Variants in COTL1 observed in about 807,000 individuals in gnomAD.
The protein encoded by COTL1 is coactosin-like protein.
In COTL1, 15 loss-of-function variants were observed where a neutral mutation model predicts 16.5. The observed-to-expected ratio is 0.91, with a 90% CI of 0.61 to 1.40. The LOEUF (loss-of-function observed/expected upper bound fraction) is 1.40, where lower values mean the gene tolerates loss of function less well. Ranked by LOEUF, COTL1 falls within the 40% of genes most tolerant of loss-of-function variation. The pLI, the probability that COTL1 is intolerant of heterozygous loss-of-function variation, is 0.00. For missense variants in COTL1, 220 were observed against 201.5 expected (o/e 1.09, Z -0.56); for synonymous variants, 112 against 85.3 (o/e 1.31, Z -1.73).
intron 3 of COTL1, among the ~76,000 whole-genome samples, chr16:84,570,087 C>A (rs1350486021): frequency 2.6e-5 from 4 of 152,096 alleles, no homozygotes; most frequent in Non-Finnish European, 5.9e-5. Context: ...ACCAGCCTGG[C>A]CAACACGGTG....
intron 2 of COTL1, among the ~76,000 whole-genome samples, chr16:84,610,244 A>T (rs1356149935): frequency 6.6e-6 from 1 of 152,118 alleles, no homozygotes; most frequent in African/African-American, 2.4e-5. Flanking sequence ...TATGGCCAGG[A>T]CTCTTTTAGA....
In COTL1 at chr16:84,617,980, T is replaced by C. The variant is rs1005860558; in HGVS notation, c.-66A>G. 5 of 1,228,346 alleles carry C rather than the reference T, an allele frequency of 4.1e-6. No individual in the cohort carries two copies. Among genetic ancestry groups the C allele is most frequent in the Non-Finnish European group, 5.3e-6 (5 of 940,564 alleles). 76.1% of individuals were successfully genotyped at this position (1,228,346 alleles called of 1,614,324 possible). ...GCGCGCCCCTGGCCGGCGGCGGGGATGGGAGCGCGGCGGGTACGCGCCGAG... is the reference window on the plus strand; with the variant it reads ...GCGCGCCCCTGGCCGGCGGCGGGGACGGGAGCGCGGCGGGTACGCGCCGAG... On this transcript the variant is annotated 5_prime_UTR_variant, in exon 1 of 4. Transcript: ENST00000262428.
chr16:84,617,322 C>G (rs150356410), intron 2 of COTL1, among the ~76,000 whole-genome samples, 179 bp downstream of exon 2: 2,252 of 152,232 alleles, frequency 0.015, 40 homozygotes, highest in East Asian at 0.051. Context: ...CTTCGGATGT[C>G]CAGAGGGGAG....
At chr16:84,603,107 C>G (rs1432548690) in intron 2 of COTL1, among the ~76,000 whole-genome samples, 1 of 152,178 alleles carries the variant, frequency 6.6e-6, no homozygotes, top group Admixed American at 6.5e-5. Context: ...CTCTCTGCCC[C>G]CCAGTTCCCC....
At chr16:84,587,638 G>A (rs1265290761) in intron 3 of COTL1, among the ~76,000 whole-genome samples, 1 of 152,076 alleles carries the variant, frequency 6.6e-6, no homozygotes, top group African/African-American at 2.4e-5. Flanking sequence ...AGCTGCAGAT[G>A]AGAGTGTGAC....
rs937624661 is a variant in COTL1, at chr16:84,590,181, C to A, written c.242G>T (p.Trp81Leu). The stretch of plus-strand genomic sequence containing the variant: ...CAGCCCGCTGACGTTCTCACCGATC[C>A]ACGTGATGAGGGCAAACTTGGACCT... ...SKRSKFALITWIGENVSGLQR... is the reference protein window; with the variant it reads ...SKRSKFALITLIGENVSGLQR... Residue 81 changes from tryptophan to leucine, a missense_variant, in exon 3 of 4, where the codon TGG (tryptophan) becomes TTG (leucine). By Grantham distance (61) the Trp-to-Leu change is moderately conservative. Coordinates refer to ENST00000262428, the MANE Select transcript of COTL1 (RefSeq NM_021149.5). The surrounding 1 kb of genome is among the most constrained non-coding windows in gnomAD (Gnocchi z 5.5). 6.2e-7 allele frequency: 1 copy of A among 1,614,196 alleles called. No homozygotes were observed. The highest frequency in any genetic ancestry group is 1.1e-5 in the South Asian group (1 of 91,082).
At chr16:84,576,530 C>G (rs1904457329) in intron 3 of COTL1, 1 of 152,214 alleles carries the variant, frequency 6.6e-6, no homozygotes, top group Admixed American at 6.5e-5. Flanking sequence ...TTACTGGTCT[C>G]TCTGACAGAC....
At chr16:84,613,075 A>G (rs2150697930) in intron 2 of COTL1, among the ~76,000 whole-genome samples, 1 of 149,662 alleles carries the variant, frequency 6.7e-6, no homozygotes, top group South Asian at 2.1e-4. Flanking sequence ...ATCTCGGCTC[A>G]CTGCAACCTC....
At chr16:84,600,360 T>C (rs995056517) in intron 2 of COTL1, among the ~76,000 whole-genome samples, 1 of 146,986 alleles carries the variant, frequency 6.8e-6, no homozygotes, top group Admixed American at 6.8e-5. Flanking sequence ...TTGTCCAGCC[T>C]GCAGTGCCGT....
At chr16:84,596,447 A>G (rs2914840) in intron 2 of COTL1, 34,052 of 152,162 alleles carry the variant, frequency 0.22, 4,220 homozygotes, top group Non-Finnish European at 0.3. Flanking sequence ...AAGAAATGAG[A>G]TCTGAAGGGT....
In COTL1 at chr16:84,617,833, C is replaced by G. The variant is rs1905538788; in HGVS notation, c.77+5G>C. 3.2e-6 allele frequency: 5 copies of G among 1,571,198 alleles called. No individual in the cohort carries two copies. The highest frequency in any genetic ancestry group is 4.3e-6 in the Non-Finnish European group (5 of 1,159,028). On this transcript the variant is annotated splice_donor_5th_base_variant and intron_variant, in intron 1 of 3. Coordinates refer to ENST00000262428, the MANE Select transcript of COTL1 (RefSeq NM_021149.5). The stretch of plus-strand genomic sequence containing the variant: ...GGGGCGTGGAGACGAATGAAAAGTT[C>G]CTACCAGATGACGGCCGAGCCGTCG...
chr16:84,590,026 C>G lies in COTL1; in HGVS notation c.318+79G>C. 1 of 1,468,904 alleles carries G rather than the reference C, an allele frequency of 6.8e-7. No individual in the cohort carries two copies. The highest frequency in any genetic ancestry group is 9.3e-7 in the Non-Finnish European group (1 of 1,075,446). 91.0% of individuals were successfully genotyped at this position (1,468,904 alleles called of 1,614,324 possible). On this transcript the variant is annotated intron_variant, in intron 3 of 3. Transcript: ENST00000262428. This position sits in a 1 kb window ranked among gnomAD's most constrained non-coding sequence, Gnocchi z 5.5. Reference sequence around the variant, plus strand: ...ACAGCTAAGCTACAGACCCAGGAGTCGAACCCAGCCCTCTCCCTCCTTGCA... The same window carrying G: ...ACAGCTAAGCTACAGACCCAGGAGTGGAACCCAGCCCTCTCCCTCCTTGCA...
At chr16:84,599,207 G>A (rs896545973) in intron 2 of COTL1, among the ~76,000 whole-genome samples, 24 of 151,994 alleles carry the variant, frequency 1.6e-4, no homozygotes, top group African/African-American at 5.8e-4. Flanking sequence ...ATTGACTGGG[G>A]GCCTCTGCCT....
At chr16:84,566,997 AAGGCAC>A (rs771095745) in intron 3 of COTL1, 42 bp from the exon 4 acceptor site, 1 of 1,425,694 alleles carries the variant, frequency 7.0e-7, no homozygotes, top group South Asian at 1.1e-5. Flanking sequence ...ATTAAGAAGG[AAGGCAC>A]AGGATGTGAG....
chr16:84,573,382 A>G (rs1904375930), intron 3 of COTL1, among the ~76,000 whole-genome samples: 1 of 152,216 alleles, frequency 6.6e-6, no homozygotes, highest in African/African-American at 2.4e-5. Context: ...AGGCAAACAG[A>G]ATCATGAATC....
chr16:84,614,432 G>A (rs1363604175), intron 2 of COTL1, among the ~76,000 whole-genome samples: 1 of 152,018 alleles, frequency 6.6e-6, no homozygotes, highest in African/African-American at 2.4e-5. Context: ...GCCAGGCCAG[G>A]AGGCTGGGAA....
At chr16:84,587,055 C>T (rs1469740348) in intron 3 of COTL1, among the ~76,000 whole-genome samples, 1 of 152,150 alleles carries the variant, frequency 6.6e-6, no homozygotes, top group Non-Finnish European at 1.5e-5. Context: ...AGCAGGAGAC[C>T]TTTGGCCACA....
At chr16:84,571,479 C>G (rs74036307) in intron 3 of COTL1, among the ~76,000 whole-genome samples, 18,846 of 152,138 alleles carry the variant, frequency 0.12, 1,408 homozygotes, top group East Asian at 0.3. Flanking sequence ...CAGCCCACTG[C>G]TCTCCACCCT....
At chr16:84,572,547 A>G (rs1307499130) in intron 3 of COTL1, among the ~76,000 whole-genome samples, 1 of 151,780 alleles carries the variant, frequency 6.6e-6, no homozygotes, top group Admixed American at 6.6e-5. Flanking sequence ...TGCAGGCTCA[A>G]CCTCCTAGGT....
Sources: gnomAD v4.1 joint callset for allele counts (sites outside exome capture counted in the v4.1 genomes callset) on GRCh38, gnomAD v4.1.1 for gene constraint, Gnocchi (gnomAD v3.1) non-coding constraint, MANE v1.5 for transcripts, NCBI Gene and HGNC (gene_info 2026-07-23, HGNC 2026-07-21) for gene names.